Variants in SLC2A13 observed in about 807,000 individuals in gnomAD.
The protein encoded by SLC2A13 is solute carrier family 2 member 13.
Under a neutral mutation model 64.4 loss-of-function variants are expected in SLC2A13, and 32 were observed. The observed-to-expected ratio is 0.50, with a 90% confidence interval of 0.37 to 0.67. SLC2A13 has a LOEUF of 0.67. Ranked by LOEUF, SLC2A13 falls within the 30% of genes least tolerant of loss-of-function variation. SLC2A13 has a pLI of 0.00. For missense variants in SLC2A13, 743 were observed against 829.2 expected, an observed-to-expected ratio of 0.90 and a Z score of 1.28; for synonymous variants, 338 against 327.1, an observed-to-expected ratio of 1.03 and a Z score of -0.36.
At chr12:39,876,773 G>A (rs552085491) in intron 4 of SLC2A13, among the ~76,000 whole-genome samples, 6 of 152,062 alleles carry the variant, frequency 3.9e-5, no homozygotes, top group Non-Finnish European at 7.4e-5. Context: ...CTATAAAGAC[G>A]TTAATTTCAT....
At position 40,028,299 on chromosome 12, in the gene SLC2A13, A is replaced by G; in HGVS notation, c.925+2T>C. The G allele has an allele frequency of 6.2e-7, 1 of 1,612,822 alleles. No individual in the cohort carries two copies. The highest frequency in any genetic ancestry group is 8.5e-7 in the Non-Finnish European group (1 of 1,179,242). ...ATTCATATAAGTATAAAGTCTATAT[A>G]CCTGAGCCAACCTCTTTTTCCTCCT... On this transcript the variant is annotated splice_donor_variant, in intron 3 of 9. Transcript: ENST00000280871. LOFTEE classifies it high-confidence loss of function.
chr12:39,825,474 A>G (rs780415171), intron 7 of SLC2A13, among the ~76,000 whole-genome samples: 5 of 152,162 alleles, frequency 3.3e-5, no homozygotes, highest in Non-Finnish European at 7.4e-5. Flanking sequence ...AAAGTCATTC[A>G]TACCTTCTAA....
At chr12:39,796,437 A>C (rs1329688311) in intron 7 of SLC2A13, among the ~76,000 whole-genome samples, 5 of 151,878 alleles carry the variant, frequency 3.3e-5, no homozygotes, top group South Asian at 2.1e-4. Flanking sequence ...AAAAAAAAAA[A>C]AAAAAACCTA....
intron 6 of SLC2A13, among the ~76,000 whole-genome samples, chr12:39,849,294 T>G (rs1157188670): frequency 1.3e-5 from 2 of 152,196 alleles, no homozygotes; most frequent in Non-Finnish European, 2.9e-5. Flanking sequence ...TGTGCATTGG[T>G]GAATGCAGCA....
chr12:40,027,000 A>T (rs1269075121), intron 3 of SLC2A13, among the ~76,000 whole-genome samples: 1 of 152,052 alleles, frequency 6.6e-6, no homozygotes, highest in Admixed American at 6.6e-5. Context: ...GAATCACTTG[A>T]ACTCGGGAGG....
At chr12:39,790,325 G>A (rs1461818971) in intron 7 of SLC2A13, among the ~76,000 whole-genome samples, 4 of 147,586 alleles carry the variant, frequency 2.7e-5, no homozygotes, top group East Asian at 2.0e-4. Context: ...ACCCACTAAC[G>A]CGTCATCTAG....
Position 39,963,432 on chromosome 12 carries a change from T to C in SLC2A13, c.926-12067A>G, listed in dbSNP as rs28370705. ...AAAGAATAAATGCATTCTATACTTA[T>C]AATTTCTTTCCTTTATATTTAACAC... On this transcript the variant is annotated intron_variant, in intron 3 of 9. Transcript: ENST00000280871. 9.9e-3 allele frequency among the ~76,000 whole-genome samples: 1,507 copies of C among 152,290 alleles called. 18 individuals carry two copies. Among genetic ancestry groups the C allele is most frequent in the African/African-American group, 0.034 (1,432 of 41,536 alleles).
intron 3 of SLC2A13, among the ~76,000 whole-genome samples, chr12:40,000,827 T>G (rs1032183760): frequency 2.6e-5 from 4 of 152,208 alleles, no homozygotes; most frequent in South Asian, 2.1e-4. Context: ...TATAAGGAAC[T>G]GGGGGTTAGG....
intron 1 of SLC2A13, among the ~76,000 whole-genome samples, chr12:40,087,786 T>C (rs1938631988): frequency 6.6e-6 from 1 of 152,164 alleles, no homozygotes; most frequent in Admixed American, 6.5e-5. Flanking sequence ...TGGATAAAGC[T>C]GAGAAACCTA....
chr12:39,809,232 T>C (rs1488690584), intron 7 of SLC2A13, among the ~76,000 whole-genome samples: 2 of 152,176 alleles, frequency 1.3e-5, no homozygotes, highest in African/African-American at 2.4e-5. Flanking sequence ...CATGCATATA[T>C]GGATCTATTT....
At chr12:39,892,386 C>T (rs571431960) in intron 4 of SLC2A13, among the ~76,000 whole-genome samples, 55 of 152,214 alleles carry the variant, frequency 3.6e-4, no homozygotes, top group South Asian at 6.2e-4. Context: ...CTGTCTGGCC[C>T]GGCCACAGGA....
At chr12:39,919,113 T>C (rs1478066816) in intron 4 of SLC2A13, among the ~76,000 whole-genome samples, 2 of 152,014 alleles carry the variant, frequency 1.3e-5, no homozygotes, top group Non-Finnish European at 2.9e-5. Context: ...CCCAAGTCAC[T>C]GGGACTACAC....
intron 4 of SLC2A13, among the ~76,000 whole-genome samples, chr12:39,938,508 AATAC>A (rs10548186): frequency 0.8 from 120,729 of 151,288 alleles, 48,311 homozygotes; most frequent in Non-Finnish European, 0.83. Flanking sequence ...TGAAGGCATA[AATAC>A]ATACATACAT....
intron 6 of SLC2A13, among the ~76,000 whole-genome samples, chr12:39,849,618 C>G (rs995182843): frequency 5.3e-5 from 8 of 152,088 alleles, no homozygotes; most frequent in Non-Finnish European, 4.4e-5. Context: ...AGTTAAGCTT[C>G]TTTGTTTAGT....
chr12:39,818,447 A>G (rs949335592), intron 7 of SLC2A13, among the ~76,000 whole-genome samples: 1 of 152,206 alleles, frequency 6.6e-6, no homozygotes, highest in Non-Finnish European at 1.5e-5. Flanking sequence ...AGAGCTTACA[A>G]TAGTATCTGA....
At position 39,877,080 on chromosome 12, in the gene SLC2A13, T is replaced by C. The variant is rs527761113; in HGVS notation, c.1035-5119A>G. Among the ~76,000 whole-genome samples, 4 of 152,308 alleles carry C rather than the reference T, an allele frequency of 2.6e-5. No homozygotes were observed. In the East Asian group the frequency reaches 7.7e-4, roughly 29 times the overall value. On this transcript the variant is annotated intron_variant, in intron 4 of 9. Transcript: ENST00000280871. ...AGAATGCCATTACATTAAAAGAGGT[T>C]CTTTTAACTAAAAATAATTATATTT...
intron 4 of SLC2A13, among the ~76,000 whole-genome samples, chr12:39,911,309 A>T (rs1329946053): frequency 6.6e-6 from 1 of 152,132 alleles, no homozygotes; most frequent in African/African-American, 2.4e-5. Context: ...TGGCTTTGGA[A>T]TACCACCAAT....
At chr12:39,830,829 T>C (rs996415444) in intron 6 of SLC2A13, among the ~76,000 whole-genome samples, 2 of 152,192 alleles carry the variant, frequency 1.3e-5, no homozygotes, top group Non-Finnish European at 2.9e-5. Flanking sequence ...GAGTATCAAT[T>C]ATGGATTATT....
At chr12:39,825,783 G>T (rs1452625660) in intron 7 of SLC2A13, among the ~76,000 whole-genome samples, 1 of 151,670 alleles carries the variant, frequency 6.6e-6, no homozygotes, top group Non-Finnish European at 1.5e-5. Flanking sequence ...TGATCCTTCC[G>T]AGTATTTCTT....
Sources: allele counts gnomAD v4.1 joint callset (sites outside exome capture counted in the v4.1 genomes callset), GRCh38; gene constraint gnomAD v4.1.1; transcripts MANE v1.5; gene names NCBI Gene and HGNC (gene_info 2026-07-23, HGNC 2026-07-21).